MCF2L: variants seen among roughly 807,000 people sequenced by gnomAD.
The protein encoded by MCF2L is guanine nucleotide exchange factor DBS.
In MCF2L, 97 loss-of-function variants were observed where a neutral mutation model predicts 153.4. That is an observed-to-expected ratio of 0.63 (90% CI 0.54 to 0.75). The LOEUF (loss-of-function observed/expected upper bound fraction) is 0.75. Among genes scored for constraint, MCF2L ranks in the 30% least tolerant of loss-of-function variants. The pLI, the probability that MCF2L is intolerant of heterozygous loss-of-function variation, is 0.00. For synonymous variants in MCF2L, 659 were observed against 632.2 expected (o/e 1.04, Z -0.64); for missense variants, 1,347 against 1,495.2 (o/e 0.90, Z 1.64).
chr13:113,017,198 G>A (rs902701249), intron 2 of MCF2L, among the ~76,000 whole-genome samples: 2 of 152,224 alleles, frequency 1.3e-5, no homozygotes, highest in African/African-American at 2.4e-5. Flanking sequence ...CCTGCACTCC[G>A]GGTTCCTGCC....
chr13:113,083,454 T>C (rs571641583), intron 17 of MCF2L, among the ~76,000 whole-genome samples: 1 of 152,250 alleles, frequency 6.6e-6, no homozygotes, highest in East Asian at 1.9e-4. Context: ...GCCCCCAGGG[T>C]CTCAGCCAGT....
Position 112,969,378 on chromosome 13 carries a change from G to A in MCF2L, c.-2G>A, listed in dbSNP as rs1360465070. The A allele has an allele frequency of 6.5e-7, 1 of 1,550,196 alleles. No homozygotes were observed. The highest frequency in any genetic ancestry group is 8.7e-7 in the Non-Finnish European group (1 of 1,146,792). ...CCAGGATCATTTTTGTTGTGTCGGAGGATGAGGTTTTGGCTGAGGACTGAA... is the reference window on the plus strand; with the variant it reads ...CCAGGATCATTTTTGTTGTGTCGGAAGATGAGGTTTTGGCTGAGGACTGAA... On this transcript the variant is annotated 5_prime_UTR_variant, in exon 1 of 30. Transcript: ENST00000535094. This position sits in a 1 kb window ranked among gnomAD's most constrained non-coding sequence, Gnocchi z 4.8.
intron 2 of MCF2L, among the ~76,000 whole-genome samples, chr13:112,913,107 CTG>C (rs765165675): frequency 2.2e-5 from 3 of 138,090 alleles, no homozygotes; most frequent in Admixed American, 7.2e-5. Flanking sequence ...ATTTCTGTGT[CTG>C]TATGTATGGG....
At chr13:112,909,406 T>C (rs1414050536) in intron 2 of MCF2L, 2 of 740,964 alleles carry the variant, frequency 2.7e-6, no homozygotes, top group South Asian at 1.4e-5. Flanking sequence ...CCCAAGGGGC[T>C]GTCTGCAGGG....
chr13:112,965,798 C>T (rs2081886295), upstream of MCF2L: 1 of 152,202 alleles, frequency 6.6e-6, no homozygotes, highest in Non-Finnish European at 1.5e-5. Context: ...GCTTTACCTT[C>T]AGCCTCCCTC....
intron 2 of MCF2L, among the ~76,000 whole-genome samples, chr13:112,938,752 G>A (rs974918972): frequency 2.0e-5 from 3 of 152,194 alleles, no homozygotes; most frequent in Admixed American, 2.0e-4. Flanking sequence ...GGCGCTACCA[G>A]GGCAAGGTTC....
intron 1 of MCF2L, among the ~76,000 whole-genome samples, chr13:112,974,421 G>A (rs1369399950): frequency 1.3e-5 from 2 of 152,200 alleles, no homozygotes; most frequent in Non-Finnish European, 2.9e-5. Flanking sequence ...CATTGGATGA[G>A]TTTGCTTGGA....
chr13:112,917,458 G>T, intron 2 of MCF2L: 1 of 326,402 alleles, frequency 3.1e-6, no homozygotes, highest in Non-Finnish European at 6.0e-6. Context: ...CTTTGAGGTC[G>T]CGCTGCCTCT....
At chr13:113,010,051 C>T (rs996763177) in intron 1 of MCF2L, 2 of 152,410 alleles carry the variant, frequency 1.3e-5, no homozygotes, top group African/African-American at 2.4e-5. Flanking sequence ...CCTGCTGCAC[C>T]TGGGCCTCTT....
At position 113,087,740 on chromosome 13, in the gene MCF2L, G is replaced by A; in HGVS notation, c.2629G>A (p.Gly877Arg). Reference protein sequence around the residue: ...AAVGITENVKGDAKKFEIWYN... With the variant: ...AAVGITENVKRDAKKFEIWYN... Reference sequence around the variant, plus strand: ...CGTTGGCATTACGGAGAACGTGAAGGGAGATGCTAAGAAGTTCGAGATCTG... The same window carrying A: ...CGTTGGCATTACGGAGAACGTGAAGAGAGATGCTAAGAAGTTCGAGATCTG... Residue 877 changes from glycine (G) to arginine (R), a missense_variant, in exon 23 of 30, where the codon GGA becomes AGA. Transcript: ENST00000535094. 6.2e-7 allele frequency: 1 copy of A among 1,614,142 alleles called. No individual in the cohort carries two copies.
intron 2 of MCF2L, among the ~76,000 whole-genome samples, chr13:113,021,761 G>A (rs1194589417): frequency 6.6e-6 from 1 of 152,200 alleles, no homozygotes; most frequent in Non-Finnish European, 1.5e-5. Context: ...TGCAGGTACT[G>A]GGAGCTTTGG....
At chr13:112,939,024 G>A (rs1193514795) in intron 2 of MCF2L, among the ~76,000 whole-genome samples, 2 of 152,216 alleles carry the variant, frequency 1.3e-5, no homozygotes, top group East Asian at 3.8e-4. Context: ...GACAGGAAGA[G>A]CTATGAATAT....
Position 113,084,870 on chromosome 13 carries a change from C to T in MCF2L, c.2062-22C>T, listed in dbSNP as rs200031452. 1,336 of 1,582,038 alleles carry T rather than the reference C, an allele frequency of 8.4e-4. 3 individuals carry two copies. Among genetic ancestry groups the T allele is most frequent in the South Asian group, 1.3e-3 (119 of 90,322 alleles). ...GCTGCCCATCCCTCACTGCGTGATGCGGTGCCTGTCCCTCGGTGCAGATGG... is the reference window on the plus strand; with the variant it reads ...GCTGCCCATCCCTCACTGCGTGATGTGGTGCCTGTCCCTCGGTGCAGATGG... On this transcript the variant is annotated intron_variant, in intron 18 of 29. Coordinates refer to ENST00000535094, the MANE Select transcript of MCF2L (RefSeq NM_001112732.3).
intron 1 of MCF2L, among the ~76,000 whole-genome samples, chr13:112,980,303 C>T (rs1414615035): frequency 3.3e-5 from 5 of 152,270 alleles, no homozygotes; most frequent in Non-Finnish European, 2.9e-5. Flanking sequence ...GGGCATTCTG[C>T]TGGCTTGAGG....
chr13:112,921,573 G>A (rs925164425), intron 2 of MCF2L, among the ~76,000 whole-genome samples: 2 of 152,120 alleles, frequency 1.3e-5, no homozygotes, highest in African/African-American at 2.4e-5. Flanking sequence ...CCATAGAGTC[G>A]GTCAACCTGC....
In MCF2L at chr13:113,022,664, C is replaced by G. The variant is rs191352651; in HGVS notation, c.164-1980C>G. Among the ~76,000 whole-genome samples the G allele has an allele frequency of 1.4e-4, 22 of 152,350 alleles. No individual in the cohort carries two copies. The South Asian group carries it at 4.6e-3, about 32-fold the overall frequency. On this transcript the variant is annotated intron_variant, in intron 2 of 29. Coordinates refer to ENST00000535094, the MANE Select transcript of MCF2L (RefSeq NM_001112732.3). ...GGCTTGTCCCGGCAGAACACTCTTA[C>G]CTTTAATGGCGACTGAAAAGTTGCC...
intron 1 of MCF2L, among the ~76,000 whole-genome samples, chr13:112,992,983 G>A (rs2140987003): frequency 6.6e-6 from 1 of 152,392 alleles, no homozygotes. Context: ...GGCAGCCCCG[G>A]CTCAGTCTCT....
At chr13:112,984,427 G>A (rs1045459747) in intron 1 of MCF2L, among the ~76,000 whole-genome samples, 15 of 152,094 alleles carry the variant, frequency 9.9e-5, no homozygotes, top group African/African-American at 3.6e-4. Context: ...TAGTAGAGAT[G>A]GAGTTTCGCC....
chr13:112,968,376 C>A, upstream of MCF2L: 2 of 1,493,498 alleles, frequency 1.3e-6, no homozygotes, highest in Non-Finnish European at 1.8e-6. Context: ...TGATGGCGGC[C>A]ATGGCCCTGC....
Sources: gnomAD v4.1 joint callset for allele counts (sites outside exome capture counted in the v4.1 genomes callset) on GRCh38, gnomAD v4.1.1 for gene constraint, Gnocchi (gnomAD v3.1) non-coding constraint, MANE v1.5 for transcripts, NCBI Gene and HGNC (gene_info 2026-07-23, HGNC 2026-07-21) for gene names.